ZNF721: variants seen among roughly 807,000 people sequenced by gnomAD.
ZNF721 encodes zinc finger protein 721.
In ZNF721, 2 loss-of-function variants were observed where a neutral mutation model predicts 2.4. The observed-to-expected ratio is 0.82, with a 90% CI of 0.34 to 2.58. The LOEUF (loss-of-function observed/expected upper bound fraction) is 2.58. Ranked by LOEUF, ZNF721 falls within the 30% of genes most tolerant of loss-of-function variation. ZNF721 has a pLI of 0.11. For missense variants in ZNF721, 1,187 were observed against 1,085.5 expected (o/e 1.09, Z -1.31); for synonymous variants, 398 against 381.8 (o/e 1.04, Z -0.50).
In ZNF721 at chr4:458,781, G is replaced by A. The variant is rs185165559; in HGVS notation, c.34+13794C>T. Among the ~76,000 whole-genome samples the A allele has an allele frequency of 2.4e-3, 366 of 152,254 alleles. 1 individual carries two copies. The highest frequency in any genetic ancestry group is 4.1e-3 in the Non-Finnish European group (282 of 68,010). On this transcript the variant is annotated intron_variant, in intron 2 of 2. Coordinates refer to ENST00000511833, the MANE Select transcript of ZNF721 (RefSeq NM_133474.4). ...AAATCGCTGGAACCCAGGGGGCAGA[G>A]GCTGCAGTGAGCTGAGATTGCGCCA...
intron 2 of ZNF721, among the ~76,000 whole-genome samples, chr4:465,454 C>T (rs554906616): frequency 1.4e-5 from 2 of 146,514 alleles, no homozygotes; most frequent in African/African-American, 2.5e-5. Context: ...TTTTTTGAGA[C>T]GGAGTCTCAC....
chr4:472,744 C>T, intron 1 of ZNF721, 43 bp from the exon 2 acceptor site: 2 of 1,606,472 alleles, frequency 1.2e-6, no homozygotes, highest in Non-Finnish European at 1.7e-6. Context: ...CTTAATTTGA[C>T]TACAGGTGAA....
At chr4:444,531 A>G (rs1263319051) in intron 2 of ZNF721, 99 bp from the exon 3 acceptor site, 15 of 1,185,382 alleles carry the variant, frequency 1.3e-5, no homozygotes, top group Non-Finnish European at 1.7e-5. Flanking sequence ...GTAAGATCAC[A>G]TAACAAAATA....
intron 2 of ZNF721, among the ~76,000 whole-genome samples, chr4:446,147 C>A (rs1274849757): frequency 1.4e-5 from 2 of 145,166 alleles, no homozygotes; most frequent in East Asian, 4.0e-4. Flanking sequence ...GCAAGAAAAC[C>A]AAACATAATC....
intron 1 of ZNF721, among the ~76,000 whole-genome samples, chr4:489,979 C>T (rs1485188032): frequency 1.3e-5 from 2 of 151,996 alleles, no homozygotes; most frequent in African/African-American, 4.8e-5. Flanking sequence ...CCTGCCTCAG[C>T]CTCCCAAGTG....
At chr4:457,770 A>C (rs1345650482) in intron 2 of ZNF721, among the ~76,000 whole-genome samples, 1 of 152,148 alleles carries the variant, frequency 6.6e-6, no homozygotes, top group Non-Finnish European at 1.5e-5. Context: ...CAAAGTCCGG[A>C]AGAATTTTTT....
intron 1 of ZNF721, among the ~76,000 whole-genome samples, chr4:473,738 C>G (rs1715537576): frequency 6.6e-6 from 1 of 152,232 alleles, no homozygotes; most frequent in South Asian, 2.1e-4. Flanking sequence ...CTCCTCACCC[C>G]ACAGCCCGGG....
Position 443,858 on chromosome 4 carries a change from T to C in ZNF721, c.609A>G (p.Gly203=), listed in dbSNP as rs782349297. The C allele has an allele frequency of 1.9e-6, 3 of 1,613,980 alleles. No homozygotes were observed. The highest frequency in any genetic ancestry group is 1.7e-6 in the Non-Finnish European group (2 of 1,179,888). ...TATATTCATTCAGGTTTGTGGACCA[T>C]CCAAAGGCTCTGTCACGATCTTCAC... is the stretch of plus-strand genomic sequence containing the variant. ...YTGEDRDRAF[G]WSTNLNEYKK... is the part of the protein sequence containing the mutation. Residue 203 remains glycine (G), a synonymous_variant, in exon 3 of 3, where the codon GGA becomes GGG. Transcript: ENST00000511833.
intron 1 of ZNF721, among the ~76,000 whole-genome samples, chr4:491,214 T>C (rs1200107938): frequency 6.6e-6 from 1 of 151,810 alleles, no homozygotes; most frequent in African/African-American, 2.4e-5. Flanking sequence ...GATCACGAGG[T>C]CAGAAGTTCG....
At chr4:454,539 C>A (rs1369318188) in intron 2 of ZNF721, among the ~76,000 whole-genome samples, 1 of 152,158 alleles carries the variant, frequency 6.6e-6, no homozygotes, top group Non-Finnish European at 1.5e-5. Context: ...ACAATTCTCA[C>A]AATCACTCTC....
chr4:494,846 G>C (rs1397412228), intron 1 of ZNF721, among the ~76,000 whole-genome samples: 2 of 151,982 alleles, frequency 1.3e-5, no homozygotes, highest in Non-Finnish European at 2.9e-5. Context: ...CAGAAAAAGG[G>C]AGAATTATTT....
In ZNF721 at chr4:456,050, T is replaced by TTTA. The variant is rs1560231358; in HGVS notation, c.35-11619_35-11618insTAA. ...AAACAGTCATGATCACCAAAAAAAT[T>TTTA]TTTATTTATTTATTTATTTATTTAT... On this transcript the variant is annotated intron_variant, in intron 2 of 2. Coordinates refer to ENST00000511833, the MANE Select transcript of ZNF721 (RefSeq NM_133474.4). 1.4e-3 allele frequency among the ~76,000 whole-genome samples: 206 copies of TTTA among 144,404 alleles called. 1 individual carries two copies. The highest frequency in any genetic ancestry group is 3.8e-3 in the African/African-American group (148 of 38,648). The allele number at this position is 144,404 out of a possible 152,430, so 94.7% of individuals were successfully genotyped here.
At chr4:461,511 A>G (rs1715069736) in intron 2 of ZNF721, among the ~76,000 whole-genome samples, 1 of 152,232 alleles carries the variant, frequency 6.6e-6, no homozygotes, top group African/African-American at 2.4e-5. Flanking sequence ...AATGGGCAAA[A>G]GCTGGAAGCA....
intron 1 of ZNF721, among the ~76,000 whole-genome samples, chr4:493,949 A>T (rs1716086553): frequency 1.3e-5 from 2 of 152,186 alleles, no homozygotes; most frequent in Admixed American, 1.3e-4. Context: ...CATTTCTAAT[A>T]TTACTTTGCC....
Position 472,696 on chromosome 4 carries a change from G to C in ZNF721, c.-88C>G, listed in dbSNP as rs781866056. 38 of 1,612,090 alleles carry C rather than the reference G, an allele frequency of 2.4e-5. No homozygotes were observed. Among genetic ancestry groups the C allele is most frequent in the Non-Finnish European group, 3.1e-5 (37 of 1,179,636 alleles). ...CTATGGCCACATCCCTGAATGTTAA[G>C]GGTTCCTGAAAATACATATGTATCA... On this transcript the variant is annotated 5_prime_UTR_variant, in exon 2 of 3. Coordinates refer to ENST00000511833, the MANE Select transcript of ZNF721 (RefSeq NM_133474.4).
At position 441,607 on chromosome 4, in the gene ZNF721, T is replaced by C. The variant is rs1714237512; in HGVS notation, c.*88A>G. On this transcript the variant is annotated 3_prime_UTR_variant, in exon 3 of 3. Coordinates refer to ENST00000511833, the MANE Select transcript of ZNF721 (RefSeq NM_133474.4). ...TGAGGAGCATTTAAAGACCGCGACA[T>C]TCGTCACCTTCGTAAGACATTCCCC... The C allele has an allele frequency of 2.7e-6, 3 of 1,129,702 alleles. No individual in the cohort carries two copies. The highest frequency in any genetic ancestry group is 2.8e-5 in the Admixed American group (1 of 35,676). 70.0% of individuals were successfully genotyped at this position (1,129,702 alleles called of 1,614,324 possible). A position where few individuals can be genotyped will look rare whatever the true frequency, so the allele number is the denominator to read the frequency against.
At chr4:445,176 G>T (rs1714433756) in intron 2 of ZNF721, among the ~76,000 whole-genome samples, 1 of 151,832 alleles carries the variant, frequency 6.6e-6, no homozygotes, top group Non-Finnish European at 1.5e-5. Context: ...GTAGAGATGG[G>T]GTTTCACTAT....
intron 1 of ZNF721, among the ~76,000 whole-genome samples, chr4:493,684 C>CA (rs34692559): frequency 0.019 from 2,378 of 123,132 alleles, 68 homozygotes; most frequent in African/African-American, 0.064. Context: ...ATCCCCCCCG[C>CA]AAAAAAAAAA....
At chr4:469,529 T>C (rs1715362771) in intron 2 of ZNF721, among the ~76,000 whole-genome samples, 1 of 152,198 alleles carries the variant, frequency 6.6e-6, no homozygotes, top group African/African-American at 2.4e-5. Flanking sequence ...TCAAACGCGA[T>C]CCCTATCAAA....
Sources: gnomAD v4.1 joint callset for allele counts (sites outside exome capture counted in the v4.1 genomes callset) on GRCh38, gnomAD v4.1.1 for gene constraint, MANE v1.5 for transcripts, NCBI Gene and HGNC (gene_info 2026-07-23, HGNC 2026-07-21) for gene names.